IL1RAPL2: variants seen among roughly 807,000 people sequenced by gnomAD.
IL1RAPL2 encodes the protein X-linked interleukin-1 receptor accessory protein-like 2.
Under a neutral mutation model 44.1 loss-of-function variants are expected in IL1RAPL2, and 3 were observed. The ratio of observed to expected loss-of-function variants is 0.07; its 90% CI spans 0.03 to 0.18. The LOEUF (loss-of-function observed/expected upper bound fraction) is 0.18. Ranked by LOEUF, IL1RAPL2 falls within the 10% of genes least tolerant of loss-of-function variation. The pLI, the probability that IL1RAPL2 is intolerant of heterozygous loss-of-function variation, is 1.00. For synonymous variants in IL1RAPL2, 181 were observed against 178.8 expected (o/e 1.01, Z -0.10); for missense variants, 391 against 496.4 (o/e 0.79, Z 2.02).
At chrX:104,595,589 T>A (rs1032927525) in intron 1 of IL1RAPL2, among the ~76,000 whole-genome samples, 4 of 111,907 alleles carry the variant, frequency 3.6e-5, no homozygotes, top group African/African-American at 1.3e-4. Flanking sequence ...CTGTCCTTTA[T>A]CCCTTCCCAA....
intron 6 of IL1RAPL2, among the ~76,000 whole-genome samples, chrX:105,514,693 G>A (rs889716722): frequency 9.9e-5 from 11 of 111,591 alleles, no homozygotes; most frequent in African/African-American, 3.6e-4. Context: ...AGGCACATGA[G>A]GAGAAACTAC....
At chrX:105,604,776 AAT>A (rs1441131389) in intron 6 of IL1RAPL2, among the ~76,000 whole-genome samples, 1 of 111,376 alleles carries the variant, frequency 9.0e-6, no homozygotes, top group African/African-American at 3.3e-5. Context: ...CACCAAATCC[AAT>A]AGCACATCAA....
intron 2 of IL1RAPL2, among the ~76,000 whole-genome samples, chrX:104,666,786 GCA>G (rs1228535861): frequency 9.0e-6 from 1 of 111,429 alleles, no homozygotes; most frequent in Admixed American, 9.6e-5. Context: ...CTCTGCAAAA[GCA>G]CACCCTTAAT....
intron 6 of IL1RAPL2, among the ~76,000 whole-genome samples, chrX:105,585,144 G>C (rs986194486): frequency 7.3e-5 from 8 of 109,446 alleles, no homozygotes; most frequent in Admixed American, 2.9e-4. Context: ...TAAATATATT[G>C]AATATTTTTA....
At chrX:104,862,728 C>T (rs768511296) in intron 2 of IL1RAPL2, among the ~76,000 whole-genome samples, 1 of 111,866 alleles carries the variant, frequency 8.9e-6, no homozygotes, top group South Asian at 3.7e-4. Context: ...TAAATGTTAC[C>T]TTTTAAAATA....
intron 2 of IL1RAPL2, among the ~76,000 whole-genome samples, chrX:105,120,253 C>A (rs2032909816): frequency 1.9e-5 from 2 of 107,236 alleles, no homozygotes; most frequent in South Asian, 4.2e-4. Context: ...CTCCAATATC[C>A]TTTACCCAGG....
chrX:105,166,129 C>T (rs762463358), intron 2 of IL1RAPL2, among the ~76,000 whole-genome samples: 3 of 111,190 alleles, frequency 2.7e-5, no homozygotes, highest in African/African-American at 9.8e-5. Flanking sequence ...AGTTAATACA[C>T]GTAAAGTCCT....
intron 2 of IL1RAPL2, among the ~76,000 whole-genome samples, chrX:104,663,111 G>T (rs957433124): frequency 3.6e-5 from 4 of 111,928 alleles, no homozygotes; most frequent in African/African-American, 1.3e-4. Context: ...CGTAATGAGA[G>T]AATGGCTTTA....
intron 5 of IL1RAPL2, among the ~76,000 whole-genome samples, chrX:105,477,979 ATG>A (rs1304857224): frequency 9.0e-6 from 1 of 111,107 alleles, no homozygotes; most frequent in Non-Finnish European, 1.9e-5. Context: ...TTATTAATGG[ATG>A]TGTGTGATCA....
chrX:105,011,022 TA>T (rs2031039049), intron 2 of IL1RAPL2, among the ~76,000 whole-genome samples: 1 of 110,377 alleles, frequency 9.1e-6, no homozygotes, highest in South Asian at 3.8e-4. Context: ...GAATGAAAGT[TA>T]GGGGTAAAAT....
At chrX:105,738,603 G>T (rs369912112) in intron 7 of IL1RAPL2, among the ~76,000 whole-genome samples, 5 of 111,483 alleles carry the variant, frequency 4.5e-5, no homozygotes, top group African/African-American at 1.3e-4. Context: ...GAGCTAAACT[G>T]CAGGGTTGTC....
Position 105,195,541 on chromosome X carries a change from G to A in IL1RAPL2, c.149G>A (p.Arg50Gln). The A allele has an allele frequency of 3.3e-6, 4 of 1,211,206 alleles. No individual in the cohort carries two copies. The highest frequency in any genetic ancestry group is 4.5e-6 in the Non-Finnish European group (4 of 894,750). The change falls in exon 3 of 11, where the codon CGA becomes CAA. Residue 50 changes from arginine to glutamine, a missense_variant. Coordinates refer to ENST00000372582, the MANE Select transcript of IL1RAPL2 (RefSeq NM_017416.2). ...ATGGCTTTGGCAGGTGAACCAGTCC[G>A]AGTGAAATGTGCCCTTTTCTACAGT... is the stretch of plus-strand genomic sequence containing the variant. ...TYMALAGEPVRVKCALFYSYI... is the reference protein window; with the variant it reads ...TYMALAGEPVQVKCALFYSYI...
At chrX:105,084,821 C>T (rs1212739456) in intron 2 of IL1RAPL2, among the ~76,000 whole-genome samples, 2 of 111,771 alleles carry the variant, frequency 1.8e-5, no homozygotes, top group Non-Finnish European at 3.8e-5. Context: ...CCATCCAAAT[C>T]TCATCTCAAG....
chrX:104,859,537 T>A (rs1006800930), intron 2 of IL1RAPL2, among the ~76,000 whole-genome samples: 3 of 111,852 alleles, frequency 2.7e-5, no homozygotes, highest in African/African-American at 9.7e-5. Flanking sequence ...GTGTATCCAA[T>A]GTGAAACATA....
chrX:105,043,444 G>A (rs1758501687), intron 2 of IL1RAPL2, among the ~76,000 whole-genome samples: 1 of 108,815 alleles, frequency 9.2e-6, no homozygotes, highest in African/African-American at 3.3e-5. Flanking sequence ...TTGGGAGGCA[G>A]CCAGTCTCCA....
chrX:105,543,638 A>T (rs1410250363), intron 6 of IL1RAPL2, among the ~76,000 whole-genome samples: 1 of 112,455 alleles, frequency 8.9e-6, no homozygotes, highest in African/African-American at 3.2e-5. Context: ...ACCTACTGTG[A>T]GTTAAGCAAA....
intron 2 of IL1RAPL2, among the ~76,000 whole-genome samples, chrX:105,176,838 G>T (rs927170321): frequency 1.8e-5 from 2 of 111,200 alleles, no homozygotes; most frequent in Non-Finnish European, 3.8e-5. Flanking sequence ...AGTGCTCAGG[G>T]TCTGGGAGCT....
intron 2 of IL1RAPL2, among the ~76,000 whole-genome samples, chrX:104,695,952 C>A (rs779957414): frequency 3.6e-5 from 4 of 110,971 alleles, no homozygotes; most frequent in African/African-American, 1.3e-4. Context: ...GGATTACAGG[C>A]GCCCGCCACC....
chrX:104,611,231 G>A, intron 1 of IL1RAPL2, among the ~76,000 whole-genome samples: 1 of 111,650 alleles, frequency 9.0e-6, no homozygotes, highest in African/African-American at 3.3e-5. Flanking sequence ...AGGCTGGGAT[G>A]TTTAAGTCTT....
Sources: gnomAD v4.1 joint callset for allele counts (sites outside exome capture counted in the v4.1 genomes callset) on GRCh38, gnomAD v4.1.1 for gene constraint, MANE v1.5 for transcripts, NCBI Gene and HGNC (gene_info 2026-07-23, HGNC 2026-07-21) for gene names.